Variants in SYTL2 observed in about 807,000 individuals in gnomAD.
SYTL2 encodes synaptotagmin like 2, also known as synaptotagmin-like protein 2.
Under a neutral mutation model 198.7 loss-of-function variants are expected in SYTL2, and 165 were observed. The ratio of observed to expected loss-of-function variants is 0.83; its 90% CI spans 0.73 to 0.94. SYTL2 has a LOEUF of 0.94. Ranked by LOEUF, SYTL2 falls within the 40% of genes least tolerant of loss-of-function variation. The probability of loss-of-function intolerance (pLI) is 0.00; values close to 1 mark genes in which losing one functional copy is unlikely to be tolerated. For missense variants in SYTL2, 2,835 were observed against 2,582.8 expected (o/e 1.10, Z -2.12); for synonymous variants, 966 against 917.7 (o/e 1.05, Z -0.95).
chr11:85,738,724 T>C (rs760530224), intron 4 of SYTL2, among the ~76,000 whole-genome samples: 1 of 152,226 alleles, frequency 6.6e-6, no homozygotes. Context: ...GTCGATGCTA[T>C]GCTCAGTTTC....
At chr11:85,700,746 A>G in intron 16 of SYTL2, 153 bp from the exon 17 acceptor site, 1 of 590,496 alleles carries the variant, frequency 1.7e-6, no homozygotes, top group Non-Finnish European at 3.0e-6. Context: ...CATCAGAACT[A>G]GACTGTTGCC....
intron 1 of SYTL2, among the ~76,000 whole-genome samples, chr11:85,758,441 C>G (rs2091978742): frequency 6.6e-6 from 1 of 152,162 alleles, no homozygotes; most frequent in Non-Finnish European, 1.5e-5. Context: ...TCAGTAAGAT[C>G]AGGGATATGT....
At chr11:85,793,663 A>G (rs1046112477) in intron 1 of SYTL2, among the ~76,000 whole-genome samples, 4 of 152,250 alleles carry the variant, frequency 2.6e-5, no homozygotes, top group Non-Finnish European at 5.9e-5. Flanking sequence ...AATGAAGGAC[A>G]TGCTCTCAAC....
intron 5 of SYTL2, among the ~76,000 whole-genome samples, chr11:85,736,939 G>C (rs2090388941): frequency 6.6e-6 from 1 of 152,114 alleles, no homozygotes; most frequent in Non-Finnish European, 1.5e-5. Context: ...AAGGAAACTT[G>C]GGTCTCTAAT....
rs1298166430 is a variant in SYTL2 at position 85,727,888 on chromosome 11, G to T, written c.1470C>A (p.Pro490=). 6.2e-7 allele frequency: 1 copy of T among 1,613,536 alleles called. No homozygotes were observed. Among genetic ancestry groups the T allele is most frequent in the Non-Finnish European group, 8.5e-7 (1 of 1,179,874 alleles). ...TAGCTTTTAGAGCCGGGAGAGGAGG[G>T]GGCTTACCTTGCTGACGGTCTCTAG... is the stretch of plus-strand genomic sequence containing the variant. ...GSSRDRQQGK[P]PPLPALKAKT... is the part of the protein sequence containing the mutation. Residue 490 remains proline (P), a synonymous_variant, in exon 8 of 20, where the codon CCC becomes CCA. Coordinates refer to ENST00000359152, the MANE Select transcript of SYTL2 (RefSeq NM_206927.4).
Position 85,724,173 on chromosome 11 carries a change from T to A in SYTL2, c.5185A>T (p.Thr1729Ser), listed in dbSNP as rs1183021452. 1 of 1,605,022 alleles carries A rather than the reference T, an allele frequency of 6.2e-7. No homozygotes were observed. The highest frequency in any genetic ancestry group is 8.5e-7 in the Non-Finnish European group (1 of 1,177,918). The change falls in exon 8 of 20, where the codon ACA becomes TCA. Residue 1729 changes from threonine (T) to serine (S), a missense_variant. By Grantham distance (58) the Thr-to-Ser change is moderately conservative. Around this residue, in one of 3 missense-constraint regions of SYTL2, gnomAD observed 2,645 missense variants for 2,381.7 expected, o/e 1.11. Coordinates refer to ENST00000359152, the MANE Select transcript of SYTL2 (RefSeq NM_206927.4). Reference sequence around the variant, plus strand: ...GTCAATTCAACTTTACTTGTTTTTGTAGAGTTTTCTTTGTTCATCAGGAGA... The same window carrying A: ...GTCAATTCAACTTTACTTGTTTTTGAAGAGTTTTCTTTGTTCATCAGGAGA... The part of the protein sequence containing the change: ...IPLLMNKENS[T>S]KTSKVELTLA...
intron 14 of SYTL2, chr11:85,708,208 T>C (rs150695841): frequency 2.5e-6 from 1 of 398,614 alleles, no homozygotes; most frequent in African/African-American, 2.2e-5. Context: ...TTAAATCTGT[T>C]TGTTCCCCTA....
At chr11:85,792,929 T>G (rs1247215230) in intron 1 of SYTL2, among the ~76,000 whole-genome samples, 2 of 151,830 alleles carry the variant, frequency 1.3e-5, no homozygotes, top group Non-Finnish European at 2.9e-5. Flanking sequence ...ATTTCCAATT[T>G]CATCCATGTC....
chr11:85,769,289 A>G lies in SYTL2; in HGVS notation c.-389-11175T>C, dbSNP rs550200803. Among the ~76,000 whole-genome samples the G allele has an allele frequency of 6.6e-5, 10 of 152,332 alleles. No homozygotes were observed. In the South Asian group the frequency reaches 1.7e-3, roughly 25 times the overall value. ...ATCCTAGATTATCTAATGAGGCCCA[A>G]TGTAATCACAAGGTCCTTATAAGAA... On this transcript the variant is annotated intron_variant, in intron 1 of 19. Transcript: ENST00000359152.
intron 17 of SYTL2, 141 bp downstream of exon 17, chr11:85,700,374 C>G: frequency 2.0e-6 from 1 of 498,780 alleles, no homozygotes; most frequent in East Asian, 3.2e-5. Flanking sequence ...TTATTTACAA[C>G]TGTGAATAGA....
At chr11:85,829,429 C>T in the SYTL2 span, among the ~76,000 whole-genome samples, 1 of 152,152 alleles carries the variant, frequency 6.6e-6, no homozygotes, top group Non-Finnish European at 1.5e-5. Flanking sequence ...ATATGTACCA[C>T]ATTTGCTTTA....
chr11:85,705,247 A>G, intron 15 of SYTL2: 1 of 432,548 alleles, frequency 2.3e-6, no homozygotes. Context: ...CACTCTGGAA[A>G]AGCAAACCAA....
the SYTL2 span, among the ~76,000 whole-genome samples, chr11:85,825,642 G>T: frequency 6.6e-6 from 1 of 152,174 alleles, no homozygotes; most frequent in Non-Finnish European, 1.5e-5. Context: ...AAAGTGTTAG[G>T]CAAGGAAACT....
chr11:85,829,472 T>C, the SYTL2 span, among the ~76,000 whole-genome samples: 4 of 152,226 alleles, frequency 2.6e-5, no homozygotes, highest in East Asian at 3.9e-4. Flanking sequence ...CGTAGGTTGA[T>C]TCCATGTCTT....
intron 10 of SYTL2, 23 bp from the exon 11 acceptor site, chr11:85,717,553 G>T: frequency 6.3e-7 from 1 of 1,597,206 alleles, no homozygotes; most frequent in Non-Finnish European, 8.6e-7. Context: ...GCAACATTGA[G>T]AATAAATACC....
the SYTL2 span, among the ~76,000 whole-genome samples, chr11:85,817,409 C>T: frequency 6.6e-6 from 1 of 152,028 alleles, no homozygotes; most frequent in Non-Finnish European, 1.5e-5. Flanking sequence ...AAAATATATA[C>T]ACACACACAC....
At position 85,736,657 on chromosome 11, in the gene SYTL2, T is replaced by C. The variant is rs772912356; in HGVS notation, c.472-42A>G. On this transcript the variant is annotated intron_variant, in intron 5 of 19. Transcript: ENST00000359152. ...TTTATTAAACTTATTTTAAATGTCATGACAGCAACTCAGTGTTGGCAAATG... is the reference window on the plus strand; with the variant it reads ...TTTATTAAACTTATTTTAAATGTCACGACAGCAACTCAGTGTTGGCAAATG... 7.4e-6 allele frequency: 8 copies of C among 1,084,626 alleles called. No homozygotes were observed. The African/African-American group carries it at 9.5e-5, about 13-fold the overall frequency. The allele number at this position is 1,084,626 out of a possible 1,614,324, so 67.2% of individuals were successfully genotyped here. A position where few individuals can be genotyped will look rare whatever the true frequency, so the allele number is the denominator to read the frequency against.
chr11:85,742,283 C>T lies in SYTL2; in HGVS notation c.389+3354G>A, dbSNP rs137884210. On this transcript the variant is annotated intron_variant, in intron 4 of 19. Coordinates refer to ENST00000359152, the MANE Select transcript of SYTL2 (RefSeq NM_206927.4). ...ATTCTCCTCTATTTTTCTATAATTG[C>T]CAGGGCTTATGGGGACACTTCTGAA... Among the ~76,000 whole-genome samples, 391 of 152,260 alleles carry T rather than the reference C, an allele frequency of 2.6e-3. 1 individual carries two copies. The highest frequency in any genetic ancestry group is 4.4e-3 in the Non-Finnish European group (299 of 68,010).
At position 85,725,846 on chromosome 11, in the gene SYTL2, C is replaced by A; in HGVS notation, c.3512G>T (p.Trp1171Leu). 6.2e-7 allele frequency: 1 copy of A among 1,613,816 alleles called. No homozygotes were observed. Among genetic ancestry groups the A allele is most frequent in the East Asian group, 2.2e-5 (1 of 44,876 alleles). Residue 1171 changes from tryptophan (W) to leucine (L), a missense_variant, in exon 8 of 20, where the codon TGG becomes TTG. By Grantham distance (61) the Trp-to-Leu change is moderately conservative. Transcript: ENST00000359152. ...ATCAGCAAAATCTGTTTTTTGAGGC[C>A]ATGTCCTATTTTCAGAAACACTTGG... ...LEPSVSENRT[W>L]PQKTDFADTE... is the part of the protein sequence containing the mutation.
Sources: allele counts gnomAD v4.1 joint callset (sites outside exome capture counted in the v4.1 genomes callset), GRCh38; gene constraint gnomAD v4.1.1; regional missense constraint gnomAD v4.1.1; transcripts MANE v1.5; gene names NCBI Gene and HGNC (gene_info 2026-07-23, HGNC 2026-07-21).